SCUBE1: variants seen among roughly 807,000 people sequenced by gnomAD.
The protein encoded by SCUBE1 is signal peptide, CUB domain and EGF like domain containing 1, also known as signal peptide, CUB and EGF-like domain-containing protein 1.
A neutral mutation model predicts 124.4 loss-of-function variants in SCUBE1; 59 were observed. The ratio of observed to expected loss-of-function variants is 0.47; its 90% CI spans 0.38 to 0.59. The LOEUF (loss-of-function observed/expected upper bound fraction) is 0.59. Ranked by LOEUF, SCUBE1 falls within the 20% of genes least tolerant of loss-of-function variation. The pLI is 0.00. For missense variants in SCUBE1, 1,150 were observed against 1,371.2 expected (o/e 0.84, Z 2.55); for synonymous variants, 545 against 550.9 (o/e 0.99, Z 0.15).
chr22:43,335,954 AATGATGATGGTGATG>A (rs1239854590), intron 2 of SCUBE1, among the ~76,000 whole-genome samples: 23 of 118,682 alleles, frequency 1.9e-4, no homozygotes, highest in South Asian at 1.3e-3. Flanking sequence ...TGAAGATGAT[AATGATGATGGTGATG>A]ATGATGATGG....
intron 2 of SCUBE1, among the ~76,000 whole-genome samples, chr22:43,327,279 G>A (rs1926757728): frequency 1.3e-5 from 2 of 152,164 alleles, no homozygotes; most frequent in African/African-American, 4.8e-5. Flanking sequence ...GGGGAGCCAG[G>A]AAGGGAGCCA....
At chr22:43,321,847 G>T (rs1017497952) in intron 2 of SCUBE1, among the ~76,000 whole-genome samples, 10 of 152,286 alleles carry the variant, frequency 6.6e-5, no homozygotes, top group African/African-American at 2.4e-4. Flanking sequence ...CTAGTAGCTG[G>T]AATTATAGGC....
rs1268309748 is a variant in SCUBE1, at chr22:43,198,973, T to A, written c.*5024A>T. On this transcript the variant is annotated 3_prime_UTR_variant, in exon 22 of 22. Coordinates refer to ENST00000360835, the MANE Select transcript of SCUBE1 (RefSeq NM_173050.5). Reference sequence around the variant, plus strand: ...TGTCCGGGGCAGTTTTTCTGTCTGCTGTCCGGGGCAACGTGTCTGTCTGTC... The same window carrying A: ...TGTCCGGGGCAGTTTTTCTGTCTGCAGTCCGGGGCAACGTGTCTGTCTGTC... The A allele has an allele frequency of 2.8e-6, 1 of 362,036 alleles. No individual in the cohort carries two copies. The highest frequency in any genetic ancestry group is 5.4e-6 in the Non-Finnish European group (1 of 185,452). 22.4% of individuals were successfully genotyped at this position (362,036 alleles called of 1,614,324 possible). A position where few individuals can be genotyped will look rare whatever the true frequency, so the allele number is the denominator to read the frequency against.
intron 3 of SCUBE1, among the ~76,000 whole-genome samples, chr22:43,315,724 T>C (rs1290902412): frequency 6.8e-6 from 1 of 147,364 alleles, no homozygotes; most frequent in African/African-American, 2.5e-5. Flanking sequence ...CCGCGTGAGG[T>C]TGCAATCTGT....
intron 21 of SCUBE1, among the ~76,000 whole-genome samples, chr22:43,206,873 C>T (rs376964964): frequency 2.6e-5 from 4 of 152,144 alleles, no homozygotes; most frequent in African/African-American, 7.2e-5. Context: ...AATCAGGAGC[C>T]GAGGGCGGCA....
chr22:43,257,240 T>C (rs1162915266), intron 6 of SCUBE1, among the ~76,000 whole-genome samples: 3 of 152,182 alleles, frequency 2.0e-5, no homozygotes, highest in African/African-American at 7.2e-5. Context: ...TTCTGTCTGC[T>C]GACCAACCCT....
At chr22:43,304,179 C>G (rs964802626) in intron 3 of SCUBE1, among the ~76,000 whole-genome samples, 4 of 152,252 alleles carry the variant, frequency 2.6e-5, no homozygotes, top group Admixed American at 6.5e-5. Context: ...CTGCATACAA[C>G]TGACTGACTC....
At chr22:43,285,216 T>C (rs1601859540) in intron 4 of SCUBE1, among the ~76,000 whole-genome samples, 1 of 152,230 alleles carries the variant, frequency 6.6e-6, no homozygotes, top group East Asian at 1.9e-4. Context: ...AACCACATGG[T>C]CCACCAGCCC....
rs1157005895 is a variant in SCUBE1 at position 43,208,119 on chromosome 22, T to C, written c.2687A>G (p.Glu896Gly). The change falls in exon 20 of 22, where the codon GAA becomes GGA. Residue 896 changes from glutamate (E) to glycine (G), a missense_variant. This residue lies in a region of SCUBE1 where 757 missense variants were observed against 840.9 expected (regional missense o/e 0.90). Coordinates refer to ENST00000360835, the MANE Select transcript of SCUBE1 (RefSeq NM_173050.5). Reference protein sequence around the residue: ...RKLWIQFKSNEGNSGKGFQVP... With the variant: ...RKLWIQFKSNGGNSGKGFQVP... ...TTGGAAGCCTTTGCCGCTGTTGCCT[T>C]CATTGGATTTGAACTGGATCCAGAG... 6.2e-7 allele frequency: 1 copy of C among 1,614,002 alleles called. No homozygotes were observed. Among genetic ancestry groups the C allele is most frequent in the African/African-American group, 1.3e-5 (1 of 74,926 alleles).
rs1922149122 is a variant in SCUBE1 at position 43,222,749 on chromosome 22, A to C, written c.1328-7T>G. On this transcript the variant is annotated splice_region_variant and splice_polypyrimidine_tract_variant and intron_variant, in intron 11 of 21. Transcript: ENST00000360835. Reference sequence around the variant, plus strand: ...ACGTAGCTATTTTCCGAGTCTGCAGAGAAGCCGGTGGGTGAGGTGGGCCTG... The same window carrying C: ...ACGTAGCTATTTTCCGAGTCTGCAGCGAAGCCGGTGGGTGAGGTGGGCCTG... 1 of 1,590,212 alleles carries C rather than the reference A, an allele frequency of 6.3e-7. No homozygotes were observed. Among genetic ancestry groups the C allele is most frequent in the Non-Finnish European group, 8.6e-7 (1 of 1,166,880 alleles).
At chr22:43,217,917 TCTC>T (rs894377536) in intron 15 of SCUBE1, among the ~76,000 whole-genome samples, 3 of 152,140 alleles carry the variant, frequency 2.0e-5, no homozygotes, top group African/African-American at 7.2e-5. Flanking sequence ...TAACGTGACT[TCTC>T]CTCCAGGAAG....
intron 4 of SCUBE1, among the ~76,000 whole-genome samples, chr22:43,286,557 A>G (rs1925152160): frequency 1.3e-5 from 2 of 152,330 alleles, no homozygotes; most frequent in African/African-American, 2.4e-5. Context: ...GAATAGCAAC[A>G]GTTCACCAGG....
chr22:43,308,688 G>T (rs905806974), intron 3 of SCUBE1, among the ~76,000 whole-genome samples: 2 of 152,210 alleles, frequency 1.3e-5, no homozygotes, highest in South Asian at 2.1e-4. Flanking sequence ...GAGCATCTGG[G>T]CACTCGCCGG....
Position 43,315,354 on chromosome 22 carries a change from C to G in SCUBE1, c.349+4583G>C, listed in dbSNP as rs115078748. 6.2e-3 allele frequency among the ~76,000 whole-genome samples: 944 copies of G among 152,202 alleles called. 11 individuals carry two copies. The highest frequency in any genetic ancestry group is 0.022 in the African/African-American group (909 of 41,530). On this transcript the variant is annotated intron_variant, in intron 3 of 21. Coordinates refer to ENST00000360835, the MANE Select transcript of SCUBE1 (RefSeq NM_173050.5). Reference sequence around the variant, plus strand: ...ACTATAAAACTCATGAGCGGTGACACCTGAATTTGAGCCTAAATCTTCAAA... The same window carrying G: ...ACTATAAAACTCATGAGCGGTGACAGCTGAATTTGAGCCTAAATCTTCAAA...
At chr22:43,273,536 T>C (rs1248757077) in intron 4 of SCUBE1, among the ~76,000 whole-genome samples, 1 of 145,474 alleles carries the variant, frequency 6.9e-6, no homozygotes, top group Non-Finnish European at 1.5e-5. Flanking sequence ...TTGCCTAATT[T>C]ATAAAGTGGG....
intron 2 of SCUBE1, among the ~76,000 whole-genome samples, chr22:43,325,952 T>C (rs1292319380): frequency 3.3e-5 from 5 of 151,786 alleles, no homozygotes; most frequent in African/African-American, 9.7e-5. Flanking sequence ...TTTTTAATCA[T>C]TTAATTCAAA....
At chr22:43,279,384 G>C (rs1924669275) in intron 4 of SCUBE1, among the ~76,000 whole-genome samples, 3 of 152,206 alleles carry the variant, frequency 2.0e-5, no homozygotes, top group African/African-American at 7.2e-5. Flanking sequence ...CACTTAGGAG[G>C]CTGAGTGCCA....
chr22:43,214,083 C>A lies in SCUBE1; in HGVS notation c.2053+7G>T, dbSNP rs1393532221. 8.1e-7 allele frequency: 1 copy of A among 1,230,972 alleles called. No individual in the cohort carries two copies. The highest frequency in any genetic ancestry group is 1.2e-5 in the South Asian group (1 of 80,590). 76.3% of individuals were successfully genotyped at this position (1,230,972 alleles called of 1,614,324 possible). A position where few individuals can be genotyped will look rare whatever the true frequency, so the allele number is the denominator to read the frequency against. ...ACCCCCACCTCTCCTTCTAGGCCCGCACTTGCCTCCACATTCCGACACGTT... is the reference window on the plus strand; with the variant it reads ...ACCCCCACCTCTCCTTCTAGGCCCGAACTTGCCTCCACATTCCGACACGTT... On this transcript the variant is annotated splice_region_variant and intron_variant, in intron 16 of 21. Transcript: ENST00000360835.
intron 3 of SCUBE1, among the ~76,000 whole-genome samples, chr22:43,298,478 C>T (rs2146759993): frequency 6.6e-6 from 1 of 152,346 alleles, no homozygotes; most frequent in South Asian, 2.1e-4. Context: ...AAGCTCACTG[C>T]TCACGTCCAA....
Sources: allele counts gnomAD v4.1 joint callset (sites outside exome capture counted in the v4.1 genomes callset), GRCh38; gene constraint gnomAD v4.1.1; regional missense constraint gnomAD v4.1.1; transcripts MANE v1.5; gene names NCBI Gene and HGNC (gene_info 2026-07-23, HGNC 2026-07-21).